The following IARS1 variants were observed in gnomAD, a reference collection of about 807,000 sequenced individuals.
IARS1 encodes the protein isoleucyl-tRNA synthetase 1, also known as isoleucine--tRNA ligase, cytoplasmic.
A neutral mutation model predicts 168.2 loss-of-function variants in IARS1; 124 were observed. That is an observed-to-expected ratio of 0.74 (90% confidence interval 0.64 to 0.86). IARS1 has a LOEUF of 0.86. Ranked by LOEUF, IARS1 falls within the 40% of genes least tolerant of loss-of-function variation. The pLI is 0.00. For synonymous variants in IARS1, 532 were observed against 529.4 expected (o/e 1.00, Z -0.07); for missense variants, 1,452 against 1,515.8 (o/e 0.96, Z 0.70).
At chr9:92,251,174 C>T (rs1314048933) in intron 22 of IARS1, 2 of 464,216 alleles carry the variant, frequency 4.3e-6, no homozygotes, top group Non-Finnish European at 8.6e-6. Context: ...GGGAAAATAC[C>T]CCCTGCTTCA....
chr9:92,266,614 C>T (rs1272439961), intron 14 of IARS1, among the ~76,000 whole-genome samples: 1 of 152,228 alleles, frequency 6.6e-6, no homozygotes, highest in Non-Finnish European at 1.5e-5. Context: ...TGGGAGGCAT[C>T]TGGGTCACAG....
At chr9:92,276,065 G>A (rs1050768335) in intron 9 of IARS1, among the ~76,000 whole-genome samples, 1 of 152,156 alleles carries the variant, frequency 6.6e-6, no homozygotes, top group African/African-American at 2.4e-5. Context: ...CACTGATCCA[G>A]TGGAAGAGAT....
chr9:92,238,091 AGGTGG>A (rs1264758216), intron 30 of IARS1, among the ~76,000 whole-genome samples: 2 of 151,956 alleles, frequency 1.3e-5, no homozygotes, highest in Non-Finnish European at 2.9e-5. Context: ...TTTTTAGTAG[AGGTGG>A]GGTTTCATTA....
intron 31 of IARS1, among the ~76,000 whole-genome samples, chr9:92,224,449 TCAAAGAACA>T (rs2133420426): frequency 6.6e-6 from 1 of 152,262 alleles, no homozygotes; most frequent in Non-Finnish European, 1.5e-5. Flanking sequence ...AGCCAGGGAC[TCAAAGAACA>T]GAATTAGAAA....
At chr9:92,241,853 CCA>C (rs930391164) in intron 29 of IARS1, among the ~76,000 whole-genome samples, 2 of 152,156 alleles carry the variant, frequency 1.3e-5, no homozygotes, top group African/African-American at 4.8e-5. Flanking sequence ...TTACCAGAAT[CCA>C]CACACTGCCT....
chr9:92,217,596 C>T (rs1013538212), intron 33 of IARS1, among the ~76,000 whole-genome samples: 4 of 150,972 alleles, frequency 2.6e-5, no homozygotes, highest in African/African-American at 4.9e-5. Context: ...GGGGATATCA[C>T]CACCGATCCC....
At position 92,293,678 on chromosome 9, in the gene IARS1, C is replaced by G. The variant is rs1051059710; in HGVS notation, c.-75G>C. 1 of 274,212 alleles carries G rather than the reference C, an allele frequency of 3.6e-6. No homozygotes were observed. Among genetic ancestry groups the G allele is most frequent in the African/African-American group, 2.2e-5 (1 of 45,008 alleles). 17.0% of individuals were successfully genotyped at this position (274,212 alleles called of 1,614,324 possible). ...GCCTAAAAGCAACTCATCCGGCGTC[C>G]ACGCTGCAACCGGGCGCACGGAGGT... On this transcript the variant is annotated 5_prime_UTR_variant, in exon 1 of 34. Transcript: ENST00000443024.
intron 33 of IARS1, among the ~76,000 whole-genome samples, chr9:92,214,273 G>T (rs1838248622): frequency 1.3e-5 from 2 of 151,862 alleles, no homozygotes; most frequent in Non-Finnish European, 2.9e-5. Flanking sequence ...AGAATAGAAT[G>T]GTCTGGGTGT....
At chr9:92,216,670 CAAAG>C (rs1188653294) in intron 33 of IARS1, among the ~76,000 whole-genome samples, 2 of 129,092 alleles carry the variant, frequency 1.5e-5, no homozygotes, top group African/African-American at 5.8e-5. Flanking sequence ...TCAAAAGAGA[CAAAG>C]AAGGCCATTA....
intron 6 of IARS1, among the ~76,000 whole-genome samples, chr9:92,282,475 T>TA (rs1834751119): frequency 6.6e-6 from 1 of 152,046 alleles, no homozygotes; most frequent in African/African-American, 2.4e-5. Flanking sequence ...CTAATTTTTG[T>TA]AAAAAATTAA....
At chr9:92,271,127 G>C (rs774748255) in intron 11 of IARS1, 51 bp from the exon 12 acceptor site, 3 of 1,082,262 alleles carry the variant, frequency 2.8e-6, no homozygotes, top group Admixed American at 4.5e-5. Flanking sequence ...TAATACTTAG[G>C]AACAATATAT....
chr9:92,291,974 T>C (rs922590945), intron 1 of IARS1, among the ~76,000 whole-genome samples: 9 of 152,128 alleles, frequency 5.9e-5, no homozygotes, highest in African/African-American at 2.2e-4. Context: ...ATTTTTATTT[T>C]TGAGAAAATA....
At chr9:92,257,389 T>C (rs1401061609) in intron 19 of IARS1, among the ~76,000 whole-genome samples, 1 of 152,202 alleles carries the variant, frequency 6.6e-6, no homozygotes, top group Admixed American at 6.5e-5. Flanking sequence ...GCCCTGATCA[T>C]GGAGTCTGTG....
At chr9:92,266,534 G>A (rs1428012244) in intron 14 of IARS1, among the ~76,000 whole-genome samples, 1 of 152,170 alleles carries the variant, frequency 6.6e-6, no homozygotes, top group Non-Finnish European at 1.5e-5. Flanking sequence ...GTTTTCATAT[G>A]GTTTGTCCCC....
chr9:92,277,608 G>A (rs1206578831), intron 9 of IARS1, among the ~76,000 whole-genome samples: 1 of 151,632 alleles, frequency 6.6e-6, no homozygotes, highest in Non-Finnish European at 1.5e-5. Context: ...CCAAGAGGTC[G>A]AGGTTGCAGT....
chr9:92,267,920 T>A (rs1003780499), intron 14 of IARS1, among the ~76,000 whole-genome samples: 1 of 152,188 alleles, frequency 6.6e-6, no homozygotes, highest in Admixed American at 6.5e-5. Context: ...AGTGTGTATT[T>A]CCCTGAGAAA....
intron 9 of IARS1, among the ~76,000 whole-genome samples, chr9:92,276,675 G>A (rs995577509): frequency 9.9e-5 from 15 of 152,164 alleles, no homozygotes; most frequent in Admixed American, 3.3e-4. Flanking sequence ...AGGGTTCAGC[G>A]AACATTTTTT....
Position 92,287,811 on chromosome 9 carries a change from T to A in IARS1, c.376A>T (p.Arg126Ter). The A allele has an allele frequency of 6.2e-7, 1 of 1,613,276 alleles. No homozygotes were observed. Among genetic ancestry groups the A allele is most frequent in the Non-Finnish European group, 8.5e-7 (1 of 1,179,700 alleles). Residue 126 changes from arginine (R) to a stop codon, truncating the protein, a stop_gained, in exon 4 of 34, where the codon AGA becomes TGA. Transcript: ENST00000443024. LOFTEE classifies it high-confidence loss of function. ...CATACCTTCCACTCAGCAGAATATC[T>A]CATCACAATTGCTCGGCACTGATTG... ...YNNQCRAIVM[R>*]YSAEWKSTVS...
At position 92,242,318 on chromosome 9, in the gene IARS1, G is replaced by A; in HGVS notation, c.3013C>T (p.Pro1005Ser). 1 of 1,611,814 alleles carries A rather than the reference G, an allele frequency of 6.2e-7. No homozygotes were observed. The highest frequency in any genetic ancestry group is 1.1e-5 in the South Asian group (1 of 90,566). ...QKLRKKCNLV[P>S]TDEITVYYKA... ...TAGTACACTGTGATTTCATCAGTTG[G>A]AACCAGATTGCACTGAAAACACACA... The change falls in exon 29 of 34, where the codon CCA (proline) becomes TCA (serine). Residue 1005 changes from proline (P) to serine (S), a missense_variant. Pro to Ser is a moderately conservative substitution (Grantham distance 74). Transcript: ENST00000443024.
Sources: gnomAD v4.1 joint callset for allele counts (sites outside exome capture counted in the v4.1 genomes callset) on GRCh38, gnomAD v4.1.1 for gene constraint, MANE v1.5 for transcripts, NCBI Gene and HGNC (gene_info 2026-07-23, HGNC 2026-07-21) for gene names.